PTPRD: variants seen among roughly 807,000 people sequenced by gnomAD.
PTPRD encodes the protein protein tyrosine phosphatase receptor type D.
Under a neutral mutation model 214.5 loss-of-function variants are expected in PTPRD, and 34 were observed. That is an observed-to-expected ratio of 0.16 (90% CI 0.12 to 0.21). PTPRD has a LOEUF of 0.21. Among genes scored for constraint, PTPRD ranks in the 10% least tolerant of loss-of-function variants. The pLI is 1.00. For missense variants in PTPRD, 2,545 were observed against 2,398.7 expected (o/e 1.06, Z -1.27); for synonymous variants, 1,128 against 845.7 (o/e 1.33, Z -5.79).
intron 3 of PTPRD, among the ~76,000 whole-genome samples, chr9:10,294,241 C>T (rs2095610715): frequency 6.6e-6 from 1 of 151,916 alleles, no homozygotes; most frequent in African/African-American, 2.4e-5. Flanking sequence ...GGCTAAACCT[C>T]AAATGAGTTG....
At chr9:9,881,456 A>C (rs1035828533) in intron 5 of PTPRD, among the ~76,000 whole-genome samples, 5 of 152,170 alleles carry the variant, frequency 3.3e-5, no homozygotes, top group Non-Finnish European at 7.4e-5. Context: ...GTCTAAGTTT[A>C]CCAGGGCAGG....
chr9:9,635,432 GA>G (rs2095732562), intron 7 of PTPRD, among the ~76,000 whole-genome samples: 1 of 152,130 alleles, frequency 6.6e-6, no homozygotes, highest in Non-Finnish European at 1.5e-5. Context: ...GCTTCCTATA[GA>G]AACAGCTTCT....
chr9:9,143,450 C>T (rs1316530427), intron 10 of PTPRD, among the ~76,000 whole-genome samples: 1 of 152,070 alleles, frequency 6.6e-6, no homozygotes, highest in African/African-American at 2.4e-5. Context: ...CTCATTATCA[C>T]CTTCTATTAT....
chr9:9,191,498 A>C (rs2099935145), intron 9 of PTPRD, among the ~76,000 whole-genome samples: 1 of 152,140 alleles, frequency 6.6e-6, no homozygotes, highest in South Asian at 2.1e-4. Context: ...GAAAAGTCTG[A>C]TTTAAGTTGC....
intron 3 of PTPRD, among the ~76,000 whole-genome samples, chr9:10,096,866 C>G (rs184313695): frequency 1.0e-3 from 155 of 151,792 alleles, no homozygotes; most frequent in African/African-American, 3.4e-3. Context: ...GGTTTTTATG[C>G]TTTTAGGTCT....
At chr9:9,235,804 G>A (rs1006840929) in intron 9 of PTPRD, among the ~76,000 whole-genome samples, 3 of 152,098 alleles carry the variant, frequency 2.0e-5, no homozygotes, top group African/African-American at 4.8e-5. Context: ...AGATTAACAT[G>A]AAAAAATCAT....
intron 14 of PTPRD, among the ~76,000 whole-genome samples, chr9:8,589,913 A>C (rs2093967465): frequency 6.6e-6 from 1 of 152,216 alleles, no homozygotes; most frequent in Non-Finnish European, 1.5e-5. Flanking sequence ...AATGTAAATT[A>C]GGAAATTTTC....
At chr9:8,491,054 G>A (rs541214559) in intron 27 of PTPRD, among the ~76,000 whole-genome samples, 25 of 152,250 alleles carry the variant, frequency 1.6e-4, no homozygotes, top group Non-Finnish European at 2.9e-5. Context: ...ACCATGAGTA[G>A]CGGCTGCTTA....
intron 4 of PTPRD, among the ~76,000 whole-genome samples, chr9:9,967,635 A>G (rs1002533822): frequency 1.3e-5 from 2 of 152,332 alleles, no homozygotes; most frequent in Non-Finnish European, 2.9e-5. Context: ...TCCTGAAGTC[A>G]TAGAGAATTA....
intron 4 of PTPRD, among the ~76,000 whole-genome samples, chr9:10,010,624 G>C (rs927641354): frequency 1.3e-5 from 2 of 151,720 alleles, no homozygotes; most frequent in Non-Finnish European, 2.9e-5. Context: ...ATGGTGGCTG[G>C]ATTTCCAAGC....
chr9:8,925,488 T>C (rs2098871921), intron 11 of PTPRD, among the ~76,000 whole-genome samples: 1 of 151,442 alleles, frequency 6.6e-6, no homozygotes, highest in Admixed American at 6.6e-5. Context: ...AAAATTTCAA[T>C]TCCCCGAAAC....
chr9:9,890,294 C>A (rs1488371218), intron 5 of PTPRD, among the ~76,000 whole-genome samples: 1 of 151,716 alleles, frequency 6.6e-6, no homozygotes, highest in African/African-American at 2.4e-5. Flanking sequence ...ACTTCCTGGC[C>A]TAAGCAATCA....
intron 9 of PTPRD, among the ~76,000 whole-genome samples, chr9:9,377,838 T>G (rs2061200867): frequency 6.6e-6 from 1 of 152,034 alleles, no homozygotes; most frequent in African/African-American, 2.4e-5. Flanking sequence ...TAGGCATACT[T>G]CTTAAAATAA....
At chr9:9,914,269 C>T (rs780226779) in intron 5 of PTPRD, among the ~76,000 whole-genome samples, 2 of 152,216 alleles carry the variant, frequency 1.3e-5, no homozygotes, top group Non-Finnish European at 2.9e-5. Flanking sequence ...AGACATGTCT[C>T]TGGCTTGCTT....
At chr9:9,143,449 A>AT (rs2099863579) in intron 10 of PTPRD, among the ~76,000 whole-genome samples, 1 of 152,034 alleles carries the variant, frequency 6.6e-6, no homozygotes, top group African/African-American at 2.4e-5. Flanking sequence ...ACTCATTATC[A>AT]CCTTCTATTA....
intron 4 of PTPRD, among the ~76,000 whole-genome samples, chr9:9,986,004 A>G (rs1162870244): frequency 2.0e-5 from 3 of 152,166 alleles, no homozygotes; most frequent in Middle Eastern, 3.2e-3. Flanking sequence ...TTGGGGAATA[A>G]GGAGGACAGC....
chr9:9,727,963 A>G (rs570994732), intron 7 of PTPRD, among the ~76,000 whole-genome samples: 13 of 152,162 alleles, frequency 8.5e-5, no homozygotes, highest in Non-Finnish European at 1.8e-4. Flanking sequence ...TGTAGCTCCC[A>G]TAATTCCCAT....
chr9:10,385,010 G>C (rs965215081), intron 2 of PTPRD, among the ~76,000 whole-genome samples: 1 of 151,632 alleles, frequency 6.6e-6, no homozygotes, highest in African/African-American at 2.4e-5. Context: ...GGCTCACAAG[G>C]TTATTTCTCC....
intron 12 of PTPRD, among the ~76,000 whole-genome samples, chr9:8,713,141 A>G (rs1380416169): frequency 6.6e-6 from 1 of 152,238 alleles, no homozygotes; most frequent in Non-Finnish European, 1.5e-5. Context: ...AACAACAACG[A>G]TAACAAAACA....
Sources: gnomAD v4.1 joint callset for allele counts (sites outside exome capture counted in the v4.1 genomes callset) on GRCh38, gnomAD v4.1.1 for gene constraint, MANE v1.5 for transcripts, NCBI Gene and HGNC (gene_info 2026-07-23, HGNC 2026-07-21) for gene names.